The following DNAJC5 variants were observed in gnomAD, a reference collection of about 807,000 sequenced individuals.
DNAJC5 encodes DnaJ heat shock protein family (Hsp40) member C5.
In DNAJC5, 1 loss-of-function variant was observed where a neutral mutation model predicts 23.2. The observed-to-expected ratio is 0.04, with a 90% CI of 0.02 to 0.20. The LOEUF is 0.20. Among genes scored for constraint, DNAJC5 ranks in the 10% least tolerant of loss-of-function variants. The probability of loss-of-function intolerance (pLI) is 1.00; values close to 1 mark genes in which losing one functional copy is unlikely to be tolerated. For synonymous variants in DNAJC5, 136 were observed against 120.0 expected, an observed-to-expected ratio of 1.13 and a Z score of -0.87; for missense variants, 180 against 267.0, an observed-to-expected ratio of 0.67 and a Z score of 2.27.
chr20:63,912,490 T>G (rs1366628389), intron 1 of DNAJC5, among the ~76,000 whole-genome samples: 2 of 152,196 alleles, frequency 1.3e-5, no homozygotes, highest in Admixed American at 1.3e-4. Flanking sequence ...ATTCAAACTG[T>G]GGGGCTTTTA....
At chr20:63,924,086 T>G (rs188350867) in intron 1 of DNAJC5, among the ~76,000 whole-genome samples, 2 of 152,220 alleles carry the variant, frequency 1.3e-5, no homozygotes, top group Admixed American at 1.3e-4. Context: ...ACTGTAGATA[T>G]ATAGTATATG....
intron 1 of DNAJC5, among the ~76,000 whole-genome samples, chr20:63,916,772 C>T (rs1600870102): frequency 6.6e-6 from 1 of 152,144 alleles, no homozygotes; most frequent in African/African-American, 2.4e-5. Flanking sequence ...TAGACCTCCC[C>T]CCAGGAATGC....
At chr20:63,925,451 C>G (rs186325752) in intron 1 of DNAJC5, among the ~76,000 whole-genome samples, 1 of 152,222 alleles carries the variant, frequency 6.6e-6, no homozygotes, top group African/African-American at 2.4e-5. Flanking sequence ...CCACTGCACT[C>G]CAGCCTGGGC....
chr20:63,918,740 G>T (rs1347101211), intron 1 of DNAJC5, among the ~76,000 whole-genome samples: 1 of 152,076 alleles, frequency 6.6e-6, no homozygotes, highest in East Asian at 1.9e-4. Flanking sequence ...GACTACAGGC[G>T]CCCACCACCA....
intron 1 of DNAJC5, among the ~76,000 whole-genome samples, chr20:63,901,714 C>T (rs1186951437): frequency 1.3e-5 from 2 of 152,230 alleles, no homozygotes; most frequent in East Asian, 3.9e-4. Flanking sequence ...GAGGGATTAG[C>T]AGCAGAGCGA....
At chr20:63,905,845 C>G (rs771299480) in intron 1 of DNAJC5, among the ~76,000 whole-genome samples, 1 of 152,058 alleles carries the variant, frequency 6.6e-6, no homozygotes, top group African/African-American at 2.4e-5. Flanking sequence ...AGCGATTCTC[C>G]TGCCTCAGCC....
chr20:63,904,364 G>A (rs773290178), intron 1 of DNAJC5, among the ~76,000 whole-genome samples: 4 of 152,166 alleles, frequency 2.6e-5, no homozygotes, highest in Non-Finnish European at 4.4e-5. Context: ...CATCCCGCCA[G>A]GTTGGGTAAC....
At chr20:63,916,554 G>A (rs1489872566) in intron 1 of DNAJC5, among the ~76,000 whole-genome samples, 2 of 152,168 alleles carry the variant, frequency 1.3e-5, no homozygotes, top group African/African-American at 4.8e-5. Context: ...TCCTGATAAG[G>A]GTCTGTGTTC....
At chr20:63,902,306 G>T (rs1321358704) in intron 1 of DNAJC5, among the ~76,000 whole-genome samples, 2 of 151,234 alleles carry the variant, frequency 1.3e-5, no homozygotes, top group Admixed American at 6.6e-5. Context: ...CGCCCAGCTC[G>T]GCCTCCGAAA....
intron 1 of DNAJC5, among the ~76,000 whole-genome samples, chr20:63,918,185 T>G (rs1568981854): frequency 6.6e-6 from 1 of 152,158 alleles, no homozygotes; most frequent in Non-Finnish European, 1.5e-5. Flanking sequence ...GTAGCTACAA[T>G]CTGCAGTGTA....
At chr20:63,905,962 C>T (rs1185973533) in intron 1 of DNAJC5, among the ~76,000 whole-genome samples, 1 of 151,392 alleles carries the variant, frequency 6.6e-6, no homozygotes. Context: ...CTTGAACTCA[C>T]TGACCTCAGG....
At chr20:63,925,930 T>C (rs2053610888) in intron 1 of DNAJC5, among the ~76,000 whole-genome samples, 1 of 151,008 alleles carries the variant, frequency 6.6e-6, no homozygotes, top group South Asian at 2.1e-4. Flanking sequence ...CGGGTTAACG[T>C]CATTCTCCTG....
intron 1 of DNAJC5, among the ~76,000 whole-genome samples, chr20:63,916,511 C>G (rs1364199850): frequency 6.6e-6 from 1 of 152,152 alleles, no homozygotes; most frequent in African/African-American, 2.4e-5. Context: ...AAAAGGAGAA[C>G]AAAGATCACA....
chr20:63,914,417 C>G (rs1198384321), intron 1 of DNAJC5, among the ~76,000 whole-genome samples: 1 of 151,716 alleles, frequency 6.6e-6, no homozygotes, highest in Non-Finnish European at 1.5e-5. Context: ...TGGGTTCACG[C>G]GATTCTCCCG....
At position 63,911,848 on chromosome 20, in the gene DNAJC5, A is replaced by AT. The variant is rs556760873; in HGVS notation, c.-11-16476dup. Reference sequence around the variant, plus strand: ...ACCATCACGCCTGGCGAGTTTTTGTATTTTTTTTTTTAATAGAGATGGGGT... The same window carrying AT: ...ACCATCACGCCTGGCGAGTTTTTGTATTTTTTTTTTTTAATAGAGATGGGGT... On this transcript the variant is annotated intron_variant, in intron 1 of 4. Coordinates refer to ENST00000360864, the MANE Select transcript of DNAJC5 (RefSeq NM_025219.3). 3.8e-3 allele frequency among the ~76,000 whole-genome samples: 555 copies of AT among 144,818 alleles called. 2 individuals carry two copies. The highest frequency in any genetic ancestry group is 4.2e-3 in the Non-Finnish European group (278 of 65,596).
intron 1 of DNAJC5, among the ~76,000 whole-genome samples, chr20:63,897,873 A>G (rs1200169676): frequency 2.6e-5 from 4 of 152,178 alleles, no homozygotes; most frequent in Non-Finnish European, 4.4e-5. Context: ...CCTCATGCCT[A>G]CATTAACTCA....
At chr20:63,906,422 G>A (rs1468742185) in intron 1 of DNAJC5, among the ~76,000 whole-genome samples, 1 of 152,082 alleles carries the variant, frequency 6.6e-6, no homozygotes, top group Non-Finnish European at 1.5e-5. Flanking sequence ...CCCAGAAGGC[G>A]GAGGTTGCAG....
chr20:63,911,939 A>G (rs751622324), intron 1 of DNAJC5, among the ~76,000 whole-genome samples: 1 of 151,946 alleles, frequency 6.6e-6, no homozygotes, highest in Non-Finnish European at 1.5e-5. Flanking sequence ...CAGCCTTCCA[A>G]AGTGTTGGGA....
chr20:63,906,596 A>G (rs2146276334), intron 1 of DNAJC5, among the ~76,000 whole-genome samples: 1 of 152,162 alleles, frequency 6.6e-6, no homozygotes, highest in East Asian at 1.9e-4. Context: ...CATCCTGGCT[A>G]ACACGATGAA....
Sources: gnomAD v4.1 joint callset for allele counts (sites outside exome capture counted in the v4.1 genomes callset) on GRCh38, gnomAD v4.1.1 for gene constraint, MANE v1.5 for transcripts, NCBI Gene and HGNC (gene_info 2026-07-23, HGNC 2026-07-21) for gene names.